The following CD1B variants were observed in gnomAD, a reference collection of about 807,000 sequenced individuals.
The protein encoded by CD1B is CD1b molecule.
A neutral mutation model predicts 39.8 loss-of-function variants in CD1B; 43 were observed. The ratio of observed to expected loss-of-function variants is 1.08; its 90% CI spans 0.85 to 1.39. CD1B has a LOEUF of 1.39. Ranked by LOEUF, CD1B falls within the 40% of genes most tolerant of loss-of-function variation. CD1B has a pLI of 0.00. For missense variants in CD1B, 495 were observed against 403.8 expected (o/e 1.23, Z -1.94); for synonymous variants, 192 against 152.5 (o/e 1.26, Z -1.91).
the CD1B span, among the ~76,000 whole-genome samples, chr1:158,318,170 C>G: frequency 6.6e-6 from 1 of 152,140 alleles, no homozygotes; most frequent in African/African-American, 2.4e-5. Flanking sequence ...CTGTAGATGT[C>G]TATTAGGTCC....
chr1:158,328,884 C>T (rs1279531267), intron 5 of CD1B, 37 bp downstream of exon 5: 2 of 1,387,670 alleles, frequency 1.4e-6, no homozygotes, highest in Admixed American at 4.4e-5. Context: ...ACAGAAAAGA[C>T]ATATTAAAAA....
the CD1B span, among the ~76,000 whole-genome samples, chr1:158,316,167 A>C: frequency 6.6e-6 from 1 of 151,940 alleles, no homozygotes; most frequent in East Asian, 1.9e-4. Flanking sequence ...ATATGAACTA[A>C]AAATAGTTTT....
chr1:158,323,490 T>G (rs774687515), downstream of CD1B, among the ~76,000 whole-genome samples: 3 of 152,246 alleles, frequency 2.0e-5, no homozygotes, highest in Non-Finnish European at 4.4e-5. Flanking sequence ...GGTTTGTCAC[T>G]GGCATCGTGT....
chr1:158,323,630 C>T (rs894252134), downstream of CD1B, among the ~76,000 whole-genome samples: 3 of 152,144 alleles, frequency 2.0e-5, no homozygotes, highest in Admixed American at 6.5e-5. Flanking sequence ...GCCTGTTTTT[C>T]TTCACTGGGC....
the CD1B span, among the ~76,000 whole-genome samples, chr1:158,312,820 T>G: frequency 1.3e-5 from 2 of 152,194 alleles, no homozygotes; most frequent in African/African-American, 2.4e-5. Flanking sequence ...TTCCTTCTTT[T>G]TAATTGTATG....
the CD1B span, among the ~76,000 whole-genome samples, chr1:158,304,450 T>A: frequency 6.6e-6 from 1 of 152,092 alleles, no homozygotes; most frequent in African/African-American, 2.4e-5. Flanking sequence ...GAAGCTCGAA[T>A]GGGGTGTAGC....
At chr1:158,329,780 C>T in intron 3 of CD1B, 72 bp downstream of exon 3, 2 of 1,566,194 alleles carry the variant, frequency 1.3e-6, no homozygotes, top group Admixed American at 1.8e-5. Context: ...TATTTAAGCT[C>T]CTATCCTTTG....
chr1:158,331,124 G>T, intron 1 of CD1B, 62 bp from the exon 2 acceptor site: 1 of 1,458,960 alleles, frequency 6.9e-7, no homozygotes, highest in Admixed American at 2.2e-5. Flanking sequence ...CAATTAGGAA[G>T]AATGGGAATG....
the CD1B span, among the ~76,000 whole-genome samples, chr1:158,308,907 G>C: frequency 1.3e-5 from 2 of 152,146 alleles, no homozygotes; most frequent in Admixed American, 6.5e-5. Context: ...ATACCATTCA[G>C]GACATAGGCA....
At chr1:158,314,371 G>A in the CD1B span, among the ~76,000 whole-genome samples, 2 of 152,118 alleles carry the variant, frequency 1.3e-5, no homozygotes, top group Non-Finnish European at 2.9e-5. Flanking sequence ...GTGAGCCACC[G>A]TGCCTGGCCA....
chr1:158,292,334 G>T, the CD1B span: 6 of 1,614,076 alleles, frequency 3.7e-6, 1 homozygote, highest in South Asian at 6.6e-5. Flanking sequence ...TGGGTCTCCT[G>T]GATGCAGGGA....
chr1:158,328,388 A>C, intron 5 of CD1B, 131 bp from the exon 6 acceptor site: 1 of 633,978 alleles, frequency 1.6e-6, no homozygotes, highest in East Asian at 2.8e-5. Context: ...ATGGATGAAC[A>C]AAATGTGTTA....
At chr1:158,329,098 A>G in intron 4 of CD1B, 84 bp from the exon 5 acceptor site, 1 of 1,168,684 alleles carries the variant, frequency 8.6e-7, no homozygotes, top group Non-Finnish European at 1.2e-6. Context: ...ACCTACTTCC[A>G]ATGTATGGTC....
the CD1B span, among the ~76,000 whole-genome samples, chr1:158,294,584 T>C: frequency 2.0e-5 from 3 of 152,234 alleles, no homozygotes; most frequent in East Asian, 5.8e-4. Flanking sequence ...TTTATTTTGA[T>C]AATTATATAA....
chr1:158,291,182 T>C, the CD1B span: 11 of 1,613,960 alleles, frequency 6.8e-6, no homozygotes, highest in Non-Finnish European at 9.3e-6. Context: ...TTCTCATTTG[T>C]CAACCAATCC....
the CD1B span, among the ~76,000 whole-genome samples, chr1:158,321,954 C>A: frequency 1.3e-5 from 2 of 152,058 alleles, no homozygotes; most frequent in Non-Finnish European, 2.9e-5. Flanking sequence ...GTGTGTTGCT[C>A]CCCACCATGT....
At chr1:158,309,852 G>T in the CD1B span, among the ~76,000 whole-genome samples, 1 of 149,814 alleles carries the variant, frequency 6.7e-6, no homozygotes, top group East Asian at 1.9e-4. Context: ...GAAGGGGGAG[G>T]GATAGCATTA....
At chr1:158,291,064 T>G in the CD1B span, 2 of 1,489,530 alleles carry the variant, frequency 1.3e-6, no homozygotes, top group Non-Finnish European at 1.8e-6. Context: ...CACCTTCCAT[T>G]TTCTCTCCAT....
At chr1:158,302,128 G>C in the CD1B span, among the ~76,000 whole-genome samples, 1 of 151,996 alleles carries the variant, frequency 6.6e-6, no homozygotes, top group Admixed American at 6.6e-5. Context: ...TAGAAATCAA[G>C]ATCAAGAAGA....
Sources: gnomAD v4.1 joint callset for allele counts (sites outside exome capture counted in the v4.1 genomes callset) on GRCh38, gnomAD v4.1.1 for gene constraint, MANE v1.5 for transcripts, NCBI Gene and HGNC (gene_info 2026-07-23, HGNC 2026-07-21) for gene names.